The following INPP5A variants were observed in gnomAD, a reference collection of about 807,000 sequenced individuals.
INPP5A encodes inositol polyphosphate-5-phosphatase A, also known as 43 kDa inositol polyphosphate 5-phophatase.
A neutral mutation model predicts 65.2 loss-of-function variants in INPP5A; 14 were observed. The observed-to-expected ratio is 0.21, with a 90% CI of 0.14 to 0.34. INPP5A has a LOEUF of 0.34. Ranked by LOEUF, INPP5A falls within the 10% of genes least tolerant of loss-of-function variation. The pLI, the probability that INPP5A is intolerant of heterozygous loss-of-function variation, is 1.00. For missense variants in INPP5A, 431 were observed against 545.6 expected (o/e 0.79, Z 2.09); for synonymous variants, 207 against 208.3 (o/e 0.99, Z 0.05).
At chr10:132,588,493 G>T (rs963052161) in intron 1 of INPP5A, among the ~76,000 whole-genome samples, 1 of 152,228 alleles carries the variant, frequency 6.6e-6, no homozygotes, top group Non-Finnish European at 1.5e-5. Flanking sequence ...TGGCTGCACA[G>T]ACAAGAGGAC....
At chr10:132,772,959 G>A (rs186218666) in intron 12 of INPP5A, among the ~76,000 whole-genome samples, 13 of 152,352 alleles carry the variant, frequency 8.5e-5, no homozygotes, top group South Asian at 2.1e-4. Context: ...GCAGCGAGCC[G>A]CCGCTGCGCA....
At chr10:132,602,420 A>G (rs569500215) in intron 1 of INPP5A, among the ~76,000 whole-genome samples, 2,885 of 152,084 alleles carry the variant, frequency 0.019, 37 homozygotes, top group South Asian at 0.03. Context: ...TCAGCTCCCG[A>G]GTAGCTGGGA....
rs1419309112 is a variant in INPP5A, at chr10:132,727,113, G to T, written c.732+208G>T. On this transcript the variant is annotated intron_variant, in intron 9 of 15. Transcript: ENST00000368594. This position sits in a 1 kb window ranked among gnomAD's most constrained non-coding sequence, Gnocchi z 6.5. ...AATCCGGGGTGCGCGGGCCCTCAAG[G>T]TTGCCCCGGATGGCGGGTGACAGTG... 8 of 428,410 alleles carry T rather than the reference G, an allele frequency of 1.9e-5. No homozygotes were observed. Among genetic ancestry groups the T allele is most frequent in the Admixed American group, 4.0e-5 (1 of 24,740 alleles). The allele number at this position is 428,410 out of a possible 1,614,324, so 26.5% of individuals were successfully genotyped here.
At chr10:132,542,623 C>T (rs776947739) in intron 1 of INPP5A, among the ~76,000 whole-genome samples, 1 of 152,238 alleles carries the variant, frequency 6.6e-6, no homozygotes, top group Non-Finnish European at 1.5e-5. Context: ...CTCCAGGCCT[C>T]TGCCCCAGCA....
chr10:132,757,342 G>T (rs145650829), intron 11 of INPP5A, among the ~76,000 whole-genome samples: 1 of 152,340 alleles, frequency 6.6e-6, no homozygotes, highest in Non-Finnish European at 1.5e-5. Flanking sequence ...GCGGGGCTCC[G>T]CAGAGGTGCA....
At position 132,753,130 on chromosome 10, in the gene INPP5A, G is replaced by T. The variant is rs954898864; in HGVS notation, c.903+3285G>T. Among the ~76,000 whole-genome samples the T allele has an allele frequency of 2.6e-5, 4 of 152,162 alleles. No homozygotes were observed. Among genetic ancestry groups the T allele is most frequent in the Admixed American group, 6.5e-5 (1 of 15,282 alleles). ...GGGGCCTGGGACGACGGCACCTTCGGGAACGCCCCATGGGTTCCTGCTGAC... is the reference window on the plus strand; with the variant it reads ...GGGGCCTGGGACGACGGCACCTTCGTGAACGCCCCATGGGTTCCTGCTGAC... On this transcript the variant is annotated intron_variant, in intron 11 of 15. Transcript: ENST00000368594. The surrounding 1 kb of genome is among the most constrained non-coding windows in gnomAD (Gnocchi z 5.3).
chr10:132,700,071 C>A (rs1023222714), intron 6 of INPP5A, among the ~76,000 whole-genome samples: 2 of 152,200 alleles, frequency 1.3e-5, no homozygotes, highest in African/African-American at 4.8e-5. Flanking sequence ...AGGGGCCGCC[C>A]CTCCCCCAGG....
At chr10:132,740,654 C>T (rs1846256640) in intron 9 of INPP5A, among the ~76,000 whole-genome samples, 1 of 152,180 alleles carries the variant, frequency 6.6e-6, no homozygotes. Flanking sequence ...TCCTTTCATC[C>T]CTGCTGCTAG....
At chr10:132,576,995 G>C (rs1203492981) in intron 1 of INPP5A, among the ~76,000 whole-genome samples, 1 of 152,262 alleles carries the variant, frequency 6.6e-6, no homozygotes, top group Non-Finnish European at 1.5e-5. Context: ...GAACGCACCT[G>C]TGGTGCCTCT....
intron 12 of INPP5A, among the ~76,000 whole-genome samples, chr10:132,775,394 C>T (rs1847047132): frequency 6.6e-6 from 1 of 152,076 alleles, no homozygotes; most frequent in Non-Finnish European, 1.5e-5. Flanking sequence ...CCACGTCAGT[C>T]ACTGCTGGGC....
intron 8 of INPP5A, among the ~76,000 whole-genome samples, chr10:132,725,824 C>A (rs1845975674): frequency 6.6e-6 from 1 of 152,214 alleles, no homozygotes; most frequent in South Asian, 2.1e-4. Flanking sequence ...GCCCTGGCAG[C>A]CCCACCTGGC....
chr10:132,662,278 C>T (rs753178367), intron 4 of INPP5A, among the ~76,000 whole-genome samples: 7 of 152,190 alleles, frequency 4.6e-5, no homozygotes, highest in Non-Finnish European at 8.8e-5. Context: ...CCGTATCACC[C>T]AGCCGTTTCC....
intron 5 of INPP5A, among the ~76,000 whole-genome samples, chr10:132,690,680 TCC>T (rs1845244186): frequency 6.6e-6 from 1 of 152,176 alleles, no homozygotes; most frequent in South Asian, 2.1e-4. Flanking sequence ...GACCTGGCTT[TCC>T]TAGAGTTGAG....
In INPP5A at chr10:132,741,102, G is replaced by A. The variant is rs1230219950; in HGVS notation, c.733-8415G>A. Among the ~76,000 whole-genome samples, 2 of 152,106 alleles carry A rather than the reference G, an allele frequency of 1.3e-5. No individual in the cohort carries two copies. The highest frequency in any genetic ancestry group is 4.8e-5 in the African/African-American group (2 of 41,418). ...AGTAAAATTAGCCAGGCATTGTGGG[G>A]CACGCCTGTAGTCCCAGATACTCAG... On this transcript the variant is annotated intron_variant, in intron 9 of 15. Transcript: ENST00000368594. This position sits in a 1 kb window ranked among gnomAD's most constrained non-coding sequence, Gnocchi z 4.4.
chr10:132,743,754 C>T (rs1444274174), intron 9 of INPP5A, among the ~76,000 whole-genome samples: 1 of 152,220 alleles, frequency 6.6e-6, no homozygotes, highest in African/African-American at 2.4e-5. Context: ...GACGGGCAGC[C>T]TCACTGGAGC....
rs1382443700 is a variant in INPP5A at position 132,697,253 on chromosome 10, T to C, written c.371-563T>C. 2.6e-5 allele frequency among the ~76,000 whole-genome samples: 4 copies of C among 152,212 alleles called. No individual in the cohort carries two copies. The highest frequency in any genetic ancestry group is 5.9e-5 in the Non-Finnish European group (4 of 68,032). ...GCTGAGGCCTGGTTGTGAACAATAGTGAGACGGGCCCTGCCCATGGCGAGG... is the reference window on the plus strand; with the variant it reads ...GCTGAGGCCTGGTTGTGAACAATAGCGAGACGGGCCCTGCCCATGGCGAGG... On this transcript the variant is annotated intron_variant, in intron 5 of 15. Transcript: ENST00000368594. This position sits in a 1 kb window ranked among gnomAD's most constrained non-coding sequence, Gnocchi z 5.6.
At position 132,743,475 on chromosome 10, in the gene INPP5A, C is replaced by T. The variant is rs1384223717; in HGVS notation, c.733-6042C>T. On this transcript the variant is annotated intron_variant, in intron 9 of 15. Coordinates refer to ENST00000368594, the MANE Select transcript of INPP5A (RefSeq NM_005539.5). ...CAGGGACCAGGCCTGGGAGTGAGGGCGAGCCCCTTGCGCGAACCCTGGAGG... is the reference window on the plus strand; with the variant it reads ...CAGGGACCAGGCCTGGGAGTGAGGGTGAGCCCCTTGCGCGAACCCTGGAGG... Among the ~76,000 whole-genome samples, 8 of 152,300 alleles carry T rather than the reference C, an allele frequency of 5.3e-5. 1 individual carries two copies. The South Asian group carries it at 1.2e-3, about 24-fold the overall frequency.
Position 132,613,308 on chromosome 10 carries a change from C to CGCAGGGCCCCCTCCTTCCCGAGTCCCCCT in INPP5A, c.117+5380_117+5381insTGCAGGGCCCCCTCCTTCCCGAGTCCCCC, listed in dbSNP as rs2071984976. 2.7e-5 allele frequency among the ~76,000 whole-genome samples: 4 copies of CGCAGGGCCCCCTCCTTCCCGAGTCCCCCT among 146,460 alleles called. 1 individual carries two copies. The highest frequency in any genetic ancestry group is 6.0e-5 in the Non-Finnish European group (4 of 66,320). On this transcript the variant is annotated intron_variant, in intron 2 of 15. Coordinates refer to ENST00000368594, the MANE Select transcript of INPP5A (RefSeq NM_005539.5). The stretch of plus-strand genomic sequence containing the variant: ...GGGCCCCCTCCTTCCCGAGTCCCCC[C>CGCAGGGCCCCCTCCTTCCCGAGTCCCCCT]GCAGGGCCCCCTCCTTCCCGAGTCC...
At chr10:132,557,611 T>G (rs1291887899) in intron 1 of INPP5A, among the ~76,000 whole-genome samples, 1 of 152,218 alleles carries the variant, frequency 6.6e-6, no homozygotes, top group Non-Finnish European at 1.5e-5. Flanking sequence ...GGTCATTGAG[T>G]GCTGGTTTGA....
Sources: gnomAD v4.1 joint callset for allele counts (sites outside exome capture counted in the v4.1 genomes callset) on GRCh38, gnomAD v4.1.1 for gene constraint, Gnocchi (gnomAD v3.1) non-coding constraint, MANE v1.5 for transcripts, NCBI Gene and HGNC (gene_info 2026-07-23, HGNC 2026-07-21) for gene names.